TMTC1: variants seen among roughly 807,000 people sequenced by gnomAD.
TMTC1 encodes protein O-mannosyl-transferase TMTC1.
In TMTC1, 73 loss-of-function variants were observed where a neutral mutation model predicts 104.8. The ratio of observed to expected loss-of-function variants is 0.70; its 90% CI spans 0.58 to 0.85. The LOEUF is 0.85. TMTC1 is among the 40% of genes least tolerant of loss of function. The pLI is 0.00. For missense variants in TMTC1, 1,035 were observed against 1,096.1 expected (o/e 0.94, Z 0.79); for synonymous variants, 434 against 428.7 (o/e 1.01, Z -0.15).
At chr12:29,738,929 T>G in intron 5 of TMTC1, among the ~76,000 whole-genome samples, 1 of 152,322 alleles carries the variant, frequency 6.6e-6, no homozygotes, top group Admixed American at 6.5e-5. Flanking sequence ...AAAGAAATTT[T>G]TATATGAGAC....
intron 5 of TMTC1, among the ~76,000 whole-genome samples, chr12:29,689,154 G>A (rs954926449): frequency 6.6e-6 from 1 of 152,136 alleles, no homozygotes; most frequent in African/African-American, 2.4e-5. Context: ...AAGAAACTTG[G>A]CAAAGAACTA....
At chr12:29,565,869 A>G (rs1184315115) in intron 9 of TMTC1, among the ~76,000 whole-genome samples, 1 of 152,172 alleles carries the variant, frequency 6.6e-6, no homozygotes, top group Non-Finnish European at 1.5e-5. Flanking sequence ...ACAAAAAACC[A>G]CAGTATAAAG....
chr12:29,528,307 A>C (rs1944404992), intron 11 of TMTC1, among the ~76,000 whole-genome samples: 1 of 152,208 alleles, frequency 6.6e-6, no homozygotes, highest in African/African-American at 2.4e-5. Flanking sequence ...TTAATTAAAA[A>C]TATTTGTGAC....
In TMTC1 at chr12:29,504,652, G is replaced by C. The variant is rs1274316117; in HGVS notation, c.*2194C>G. ...TAGGAAAGCACCTACAGGAGGCAGA[G>C]AGTTTCCTGAAGGTCATGTGATCCT... On this transcript the variant is annotated 3_prime_UTR_variant, in exon 18 of 18. Transcript: ENST00000539277. 6.6e-6 allele frequency: 1 copy of C among 152,182 alleles called. No homozygotes were observed. The highest frequency in any genetic ancestry group is 1.5e-5 in the Non-Finnish European group (1 of 68,032). 9.4% of individuals were successfully genotyped at this position (152,182 alleles called of 1,614,324 possible).
intron 5 of TMTC1, among the ~76,000 whole-genome samples, chr12:29,675,490 A>C (rs1471853515): frequency 1.3e-5 from 2 of 152,098 alleles, no homozygotes; most frequent in East Asian, 3.9e-4. Context: ...GCCATCCTCT[A>C]GTAAGCTGGT....
intron 9 of TMTC1, among the ~76,000 whole-genome samples, chr12:29,559,623 G>T (rs1298316363): frequency 6.6e-6 from 1 of 152,136 alleles, no homozygotes; most frequent in African/African-American, 2.4e-5. Context: ...TCAGGAGGAG[G>T]GACCAATTAT....
At position 29,556,749 on chromosome 12, in the gene TMTC1, A is replaced by G. The variant is rs1176865838; in HGVS notation, c.1676+108T>C. ...CTCCCAAAGTCTGAAAACCCTAATT[A>G]TTCAGCTCCAGAGAGAGGCAAGTGC... On this transcript the variant is annotated intron_variant, in intron 10 of 17. Coordinates refer to ENST00000539277, the MANE Select transcript of TMTC1 (RefSeq NM_001193451.2). 5.7e-6 allele frequency: 8 copies of G among 1,406,266 alleles called. No homozygotes were observed. The Admixed American group carries it at 1.7e-4, about 31-fold the overall frequency. The allele number at this position is 1,406,266 out of a possible 1,614,324, so 87.1% of individuals were successfully genotyped here.
intron 3 of TMTC1, among the ~76,000 whole-genome samples, chr12:29,757,277 C>T (rs1446337745): frequency 1.3e-5 from 2 of 152,132 alleles, no homozygotes; most frequent in African/African-American, 2.4e-5. Flanking sequence ...CAATCATAGC[C>T]CCACTGGCAT....
chr12:29,678,143 C>A (rs12371237), intron 5 of TMTC1, among the ~76,000 whole-genome samples: 35,017 of 152,140 alleles, frequency 0.23, 5,012 homozygotes, highest in Non-Finnish European at 0.33. Context: ...GTGATACATA[C>A]AAGAATCAGA....
chr12:29,511,091 T>C (rs1943821736), intron 17 of TMTC1, among the ~76,000 whole-genome samples: 1 of 152,230 alleles, frequency 6.6e-6, no homozygotes, highest in South Asian at 2.1e-4. Flanking sequence ...AGGCCTTTCC[T>C]AACCACCTGA....
intron 5 of TMTC1, among the ~76,000 whole-genome samples, chr12:29,726,886 T>C (rs889051540): frequency 1.1e-4 from 16 of 152,238 alleles, no homozygotes; most frequent in Admixed American, 8.5e-4. Flanking sequence ...TCTACACGAC[T>C]TTTAAGTAGC....
intron 5 of TMTC1, among the ~76,000 whole-genome samples, chr12:29,683,502 C>G (rs933444033): frequency 6.6e-6 from 1 of 152,194 alleles, no homozygotes; most frequent in Non-Finnish European, 1.5e-5. Context: ...TCTACATAAG[C>G]CTCAACGCAA....
chr12:29,667,285 A>G (rs977814774), intron 5 of TMTC1, among the ~76,000 whole-genome samples: 2 of 152,222 alleles, frequency 1.3e-5, no homozygotes, highest in Admixed American at 1.3e-4. Context: ...AAGATTCTGA[A>G]GGAAAGGAGC....
chr12:29,768,294 A>G (rs895817205), intron 1 of TMTC1, among the ~76,000 whole-genome samples: 1 of 152,216 alleles, frequency 6.6e-6, no homozygotes, highest in Non-Finnish European at 1.5e-5. Context: ...TATACAATAC[A>G]ATATTATTTC....
intron 5 of TMTC1, among the ~76,000 whole-genome samples, chr12:29,695,418 T>C (rs1404122243): frequency 6.6e-6 from 1 of 152,122 alleles, no homozygotes; most frequent in Non-Finnish European, 1.5e-5. Context: ...GCGATTCTCC[T>C]GCCTCAGACT....
chr12:29,612,129 G>A (rs1946861193), intron 6 of TMTC1, among the ~76,000 whole-genome samples: 1 of 152,134 alleles, frequency 6.6e-6, no homozygotes, highest in East Asian at 1.9e-4. Context: ...AATGCCAAGT[G>A]TGGGGAGGAA....
intron 1 of TMTC1, among the ~76,000 whole-genome samples, chr12:29,773,843 A>G (rs2882467): frequency 0.39 from 59,661 of 151,874 alleles, 12,292 homozygotes; most frequent in Admixed American, 0.54. Context: ...CCAGGAACCT[A>G]TCACCCCATG....
intron 11 of TMTC1, among the ~76,000 whole-genome samples, chr12:29,529,482 C>G (rs1296991160): frequency 6.6e-6 from 1 of 152,092 alleles, no homozygotes; most frequent in African/African-American, 2.4e-5. Context: ...AGCCAAATGG[C>G]TTTATTAGTA....
intron 1 of TMTC1, among the ~76,000 whole-genome samples, chr12:29,780,053 C>T (rs1308673080): frequency 6.6e-6 from 1 of 152,210 alleles, no homozygotes; most frequent in African/African-American, 2.4e-5. Flanking sequence ...ATTACTCAGA[C>T]ACTGCGGCTA....
Sources: gnomAD v4.1 joint callset for allele counts (sites outside exome capture counted in the v4.1 genomes callset) on GRCh38, gnomAD v4.1.1 for gene constraint, MANE v1.5 for transcripts, NCBI Gene and HGNC (gene_info 2026-07-23, HGNC 2026-07-21) for gene names.